WDR47: variants seen among roughly 807,000 people sequenced by gnomAD.
The protein encoded by WDR47 is WD repeat domain 47, also known as WD repeat-containing protein 47.
In WDR47, 32 loss-of-function variants were observed where a neutral mutation model predicts 97.2. That is an observed-to-expected ratio of 0.33 (90% confidence interval 0.25 to 0.44). The LOEUF is 0.44. Ranked by LOEUF, WDR47 falls within the 20% of genes least tolerant of loss-of-function variation. The pLI, the probability that WDR47 is intolerant of heterozygous loss-of-function variation, is 1.00. For synonymous variants in WDR47, 375 were observed against 373.5 expected, an observed-to-expected ratio of 1.00 and a Z score of -0.05; for missense variants, 782 against 1,102.3, an observed-to-expected ratio of 0.71 and a Z score of 4.11.
chr1:109,017,262 C>A (rs1161559148), intron 3 of WDR47, among the ~76,000 whole-genome samples: 1 of 152,020 alleles, frequency 6.6e-6, no homozygotes, highest in African/African-American at 2.4e-5. Flanking sequence ...ATTAGCTAGG[C>A]TGATGGTACA....
intron 11 of WDR47, 116 bp downstream of exon 11, chr1:108,983,166 T>G: frequency 9.1e-7 from 1 of 1,097,390 alleles, no homozygotes; most frequent in Non-Finnish European, 1.2e-6. Context: ...ATTGAAAAAA[T>G]TATTCTTTAA....
At chr1:109,037,855 A>G (rs1571271199) in intron 1 of WDR47, among the ~76,000 whole-genome samples, 1 of 151,794 alleles carries the variant, frequency 6.6e-6, no homozygotes, top group Non-Finnish European at 1.5e-5. Context: ...ATTTTTTTCT[A>G]TCTTTCTTTC....
intron 7 of WDR47, among the ~76,000 whole-genome samples, chr1:108,999,742 C>T (rs569651225): frequency 2.0e-5 from 3 of 151,944 alleles, no homozygotes; most frequent in Admixed American, 6.6e-5. Flanking sequence ...TGAACCTTCC[C>T]GAATAGTTTA....
chr1:109,036,442 T>C, intron 1 of WDR47, among the ~76,000 whole-genome samples: 1 of 148,420 alleles, frequency 6.7e-6, no homozygotes, highest in East Asian at 2.0e-4. Context: ...CTTGGTAGCG[T>C]GCGCCTGTAG....
At chr1:108,980,078 G>A (rs1658226170) in intron 13 of WDR47, among the ~76,000 whole-genome samples, 1 of 152,170 alleles carries the variant, frequency 6.6e-6, no homozygotes, top group Non-Finnish European at 1.5e-5. Context: ...TCTAATGCCT[G>A]ATGATCTGCA....
At chr1:109,018,797 G>A (rs1208836005) in intron 2 of WDR47, among the ~76,000 whole-genome samples, 1 of 151,654 alleles carries the variant, frequency 6.6e-6, no homozygotes, top group Non-Finnish European at 1.5e-5. Context: ...CTGGGCAACA[G>A]AGTGAGACCC....
At chr1:109,027,247 G>A (rs937589568) in intron 1 of WDR47, among the ~76,000 whole-genome samples, 2 of 151,698 alleles carry the variant, frequency 1.3e-5, no homozygotes, top group African/African-American at 4.8e-5. Context: ...GTAGAGACGG[G>A]GTTTCGCCAT....
At chr1:109,001,722 T>C (rs1660205197) in intron 7 of WDR47, among the ~76,000 whole-genome samples, 1 of 151,984 alleles carries the variant, frequency 6.6e-6, no homozygotes, top group South Asian at 2.1e-4. Context: ...AAACCCTATC[T>C]CTACAAAAAA....
At chr1:109,009,229 G>C (rs1660858748) in intron 5 of WDR47, among the ~76,000 whole-genome samples, 1 of 152,164 alleles carries the variant, frequency 6.6e-6, no homozygotes, top group African/African-American at 2.4e-5. Flanking sequence ...ATTTATTGAA[G>C]TCAACACTAA....
intron 5 of WDR47, among the ~76,000 whole-genome samples, chr1:109,009,604 T>C (rs950300825): frequency 6.6e-6 from 1 of 152,234 alleles, no homozygotes; most frequent in African/African-American, 2.4e-5. Flanking sequence ...TAATCATTGA[T>C]ATCAAGAAAT....
chr1:109,027,274 T>G (rs1460441072), intron 1 of WDR47, among the ~76,000 whole-genome samples: 1 of 152,100 alleles, frequency 6.6e-6, no homozygotes, highest in African/African-American at 2.4e-5. Flanking sequence ...CAGGCTGGTC[T>G]CAAACTCTTG....
chr1:109,031,019 T>C (rs1011779057), intron 1 of WDR47, among the ~76,000 whole-genome samples: 3 of 140,078 alleles, frequency 2.1e-5, no homozygotes, highest in African/African-American at 7.7e-5. Context: ...AGAAAGTACA[T>C]ATTCTTGGGA....
chr1:108,987,982 T>A (rs1187401349), intron 9 of WDR47, among the ~76,000 whole-genome samples: 2 of 151,398 alleles, frequency 1.3e-5, no homozygotes, highest in African/African-American at 4.9e-5. Flanking sequence ...ATGCCTATAA[T>A]CCCAGCACTT....
At chr1:109,022,260 CA>C (rs1426972971) in intron 2 of WDR47, among the ~76,000 whole-genome samples, 3 of 151,030 alleles carry the variant, frequency 2.0e-5, no homozygotes, top group Non-Finnish European at 4.4e-5. Flanking sequence ...TTAATAGATG[CA>C]AAAAAAAGAT....
intron 13 of WDR47, among the ~76,000 whole-genome samples, chr1:108,977,239 C>A (rs748105139): frequency 3.9e-5 from 6 of 152,150 alleles, no homozygotes; most frequent in Non-Finnish European, 5.9e-5. Context: ...ACAACCTCCG[C>A]CTCCCAGGTT....
At chr1:108,981,157 A>G (rs1185462414) in intron 13 of WDR47, among the ~76,000 whole-genome samples, 1 of 152,008 alleles carries the variant, frequency 6.6e-6, no homozygotes. Flanking sequence ...GAGGTGGTAC[A>G]ATGCAAAGAA....
At chr1:109,001,287 C>T (rs1186206747) in intron 7 of WDR47, among the ~76,000 whole-genome samples, 2 of 151,076 alleles carry the variant, frequency 1.3e-5, no homozygotes, top group African/African-American at 4.9e-5. Flanking sequence ...AAATTCCATC[C>T]CAAGAATGAA....
intron 5 of WDR47, among the ~76,000 whole-genome samples, chr1:109,008,898 G>A (rs1439653298): frequency 2.0e-5 from 3 of 151,654 alleles, no homozygotes; most frequent in South Asian, 2.1e-4. Flanking sequence ...CTGAGCCACC[G>A]CACCCAGTTC....
intron 12 of WDR47, 42 bp from the exon 13 acceptor site, chr1:108,981,906 T>G: frequency 6.3e-7 from 1 of 1,591,864 alleles, no homozygotes; most frequent in Non-Finnish European, 8.6e-7. Flanking sequence ...TGGGAGAGTA[T>G]CTTTCCATAA....
Sources: allele counts gnomAD v4.1 joint callset (sites outside exome capture counted in the v4.1 genomes callset), GRCh38; gene constraint gnomAD v4.1.1; transcripts MANE v1.5; gene names NCBI Gene and HGNC (gene_info 2026-07-23, HGNC 2026-07-21).